RARS2: variants seen among roughly 807,000 people sequenced by gnomAD.
RARS2 encodes the protein probable arginine--tRNA ligase, mitochondrial.
In RARS2, 67 loss-of-function variants were observed where a neutral mutation model predicts 88.5. That is an observed-to-expected ratio of 0.76 (90% CI 0.62 to 0.93). The LOEUF (loss-of-function observed/expected upper bound fraction) is 0.93, where lower values mean the gene tolerates loss of function less well. RARS2 is among the 40% of genes least tolerant of loss of function. The pLI is 0.00. For synonymous variants in RARS2, 239 were observed against 230.3 expected (o/e 1.04, Z -0.34); for missense variants, 664 against 684.2 (o/e 0.97, Z 0.33).
chr6:87,589,561 T>C, intron 1 of RARS2: 1 of 700,100 alleles, frequency 1.4e-6, no homozygotes, highest in Non-Finnish European at 1.8e-6. Context: ...TGAAGAACAA[T>C]CCAGATCCAT....
chr6:87,575,225 GCA>G (rs58168335), intron 1 of RARS2, among the ~76,000 whole-genome samples: 9,396 of 114,418 alleles, frequency 0.082, 343 homozygotes, highest in Middle Eastern at 0.15. Flanking sequence ...AAAATAGAAA[GCA>G]CACACACACA....
chr6:87,556,845 G>A (rs1350158107), intron 4 of RARS2, among the ~76,000 whole-genome samples: 1 of 145,000 alleles, frequency 6.9e-6, no homozygotes, highest in East Asian at 2.0e-4. Flanking sequence ...AGGGTCTCTC[G>A]CTCACTCTGT....
intron 8 of RARS2, among the ~76,000 whole-genome samples, chr6:87,535,216 T>C (rs532284897): frequency 6.6e-6 from 1 of 152,282 alleles, no homozygotes; most frequent in East Asian, 1.9e-4. Flanking sequence ...AATGATGAAA[T>C]CTTGAACGCA....
At chr6:87,536,464 G>A (rs566781916) in intron 8 of RARS2, among the ~76,000 whole-genome samples, 32 of 151,600 alleles carry the variant, frequency 2.1e-4, no homozygotes, top group East Asian at 3.9e-4. Context: ...GTGAAACCCC[G>A]TCTCTAGCAA....
At chr6:87,546,289 C>G (rs1782618424) in intron 6 of RARS2, among the ~76,000 whole-genome samples, 2 of 152,138 alleles carry the variant, frequency 1.3e-5, no homozygotes, top group Non-Finnish European at 2.9e-5. Context: ...GTAAAAAGTA[C>G]AATTCCCAGA....
chr6:87,580,760 TTA>T (rs1344495887), intron 1 of RARS2, among the ~76,000 whole-genome samples: 1 of 151,750 alleles, frequency 6.6e-6, no homozygotes, highest in East Asian at 2.0e-4. Flanking sequence ...ACCTGGCCTT[TTA>T]TTTATTTATT....
At chr6:87,540,570 G>A (rs538787493) in intron 8 of RARS2, among the ~76,000 whole-genome samples, 1 of 151,982 alleles carries the variant, frequency 6.6e-6, no homozygotes, top group South Asian at 2.1e-4. Flanking sequence ...TTAAGCTGGA[G>A]AAGTAAAGCA....
intron 3 of RARS2, among the ~76,000 whole-genome samples, chr6:87,563,546 G>A (rs1788517027): frequency 6.6e-6 from 1 of 152,142 alleles, no homozygotes; most frequent in South Asian, 2.1e-4. Flanking sequence ...TGACTCTGTG[G>A]ATGTATGTTA....
At chr6:87,577,942 G>A (rs189193391) in intron 1 of RARS2, among the ~76,000 whole-genome samples, 25 of 152,176 alleles carry the variant, frequency 1.6e-4, no homozygotes, top group Non-Finnish European at 2.9e-4. Flanking sequence ...CTGCACTTTG[G>A]TTTTTCACTG....
intron 8 of RARS2, among the ~76,000 whole-genome samples, chr6:87,538,263 CTTT>C (rs1238662067): frequency 6.6e-6 from 1 of 152,176 alleles, no homozygotes. Context: ...ATCTTGCCTT[CTTT>C]TGTCTTTAAA....
chr6:87,517,820 G>A (rs1179625731), intron 17 of RARS2, among the ~76,000 whole-genome samples: 1 of 152,136 alleles, frequency 6.6e-6, no homozygotes, highest in Non-Finnish European at 1.5e-5. Context: ...CACAAAGGCA[G>A]GTATTTTCCT....
At chr6:87,588,529 G>T (rs1775877821) in intron 1 of RARS2, among the ~76,000 whole-genome samples, 1 of 151,996 alleles carries the variant, frequency 6.6e-6, no homozygotes, top group Non-Finnish European at 1.5e-5. Flanking sequence ...GCACCATCAT[G>T]CCTGGCTACT....
Position 87,589,947 on chromosome 6 carries a change from C to G in RARS2, c.11G>C (p.Gly4Ala), listed in dbSNP as rs1361286120. 2 of 1,614,178 alleles carry G rather than the reference C, an allele frequency of 1.2e-6. No individual in the cohort carries two copies. The highest frequency in any genetic ancestry group is 1.1e-5 in the South Asian group (1 of 91,090). The change falls in exon 1 of 20, where the codon GGC becomes GCC. Residue 4 changes from glycine (G) to alanine (A), a missense_variant. Gly to Ala is a moderately conservative substitution (Grantham distance 60). Coordinates refer to ENST00000369536, the MANE Select transcript of RARS2 (RefSeq NM_020320.5). ...CTGGCAAGCAATAGCGCGGCGAAAG[C>G]CGCACGCCATGTCCACCTCTACGGA... Reference protein sequence around the residue: MACGFRRAIACQLS... With the variant: MACAFRRAIACQLS...
chr6:87,558,809 T>C (rs1310427403), intron 4 of RARS2, among the ~76,000 whole-genome samples: 2 of 152,236 alleles, frequency 1.3e-5, no homozygotes, highest in Non-Finnish European at 2.9e-5. Context: ...TAACCTACTA[T>C]ATTTAAAATC....
chr6:87,522,359 C>T (rs1582309230), intron 11 of RARS2, among the ~76,000 whole-genome samples: 1 of 139,662 alleles, frequency 7.2e-6, no homozygotes, highest in East Asian at 2.1e-4. Context: ...AAAAAAAGAC[C>T]ATAAAGTCCT....
intron 1 of RARS2, among the ~76,000 whole-genome samples, chr6:87,581,650 C>T (rs1773505940): frequency 6.6e-6 from 1 of 152,126 alleles, no homozygotes. Flanking sequence ...GTGCAGGTTA[C>T]ATAGACAAAT....
At chr6:87,579,185 G>C (rs1362524474) in intron 1 of RARS2, among the ~76,000 whole-genome samples, 1 of 152,090 alleles carries the variant, frequency 6.6e-6, no homozygotes, top group Non-Finnish European at 1.5e-5. Flanking sequence ...CATGGTCAAT[G>C]TTCTTAGTCA....
At chr6:87,572,497 T>C (rs1770082276) in intron 1 of RARS2, among the ~76,000 whole-genome samples, 1 of 152,216 alleles carries the variant, frequency 6.6e-6, no homozygotes, top group Non-Finnish European at 1.5e-5. Flanking sequence ...ATGAACAACA[T>C]GCAATTCTCA....
At chr6:87,566,015 C>G (rs764509877) in intron 2 of RARS2, among the ~76,000 whole-genome samples, 1 of 152,184 alleles carries the variant, frequency 6.6e-6, no homozygotes, top group African/African-American at 2.4e-5. Context: ...CAGCAGCCTA[C>G]TATGTATTAC....
Sources: allele counts gnomAD v4.1 joint callset (sites outside exome capture counted in the v4.1 genomes callset), GRCh38; gene constraint gnomAD v4.1.1; transcripts MANE v1.5; gene names NCBI Gene and HGNC (gene_info 2026-07-23, HGNC 2026-07-21).